The following TOX3 variants were observed in gnomAD, a reference collection of about 807,000 sequenced individuals.
TOX3 encodes CAG trinucleotide repeat-containing gene F9 protein.
A neutral mutation model predicts 64.3 loss-of-function variants in TOX3; 22 were observed. That is an observed-to-expected ratio of 0.34 (90% CI 0.24 to 0.49). The LOEUF is 0.49. TOX3 is among the 20% of genes least tolerant of loss of function. TOX3 has a pLI of 0.99. For missense variants in TOX3, 661 were observed against 714.4 expected (o/e 0.93, Z 0.85); for synonymous variants, 291 against 273.6 (o/e 1.06, Z -0.63).
intron 1 of TOX3, among the ~76,000 whole-genome samples, chr16:52,485,053 A>G (rs557114030): frequency 1.0e-5 from 1 of 95,250 alleles, no homozygotes; most frequent in South Asian, 3.0e-4. Context: ...ATATATATAT[A>G]CACACACACA....
intron 1 of TOX3, among the ~76,000 whole-genome samples, chr16:52,487,691 T>G (rs905899528): frequency 6.6e-5 from 10 of 152,224 alleles, no homozygotes; most frequent in Non-Finnish European, 1.2e-4. Context: ...AATAAGGTCT[T>G]AAAAACAAGA....
At chr16:52,546,566 C>A in intron 1 of TOX3, 71 bp downstream of exon 1, 1 of 1,420,560 alleles carries the variant, frequency 7.0e-7, no homozygotes, top group Non-Finnish European at 9.5e-7. Flanking sequence ...AGGCGGTGAG[C>A]CCGAGCGCGG....
intron 1 of TOX3, among the ~76,000 whole-genome samples, chr16:52,485,244 G>GTATATATATATATATATATA (rs761645024): frequency 1.0e-5 from 1 of 95,324 alleles, no homozygotes; most frequent in African/African-American, 5.5e-5. Flanking sequence ...GTATGTGTGT[G>GTATATATATATATATATATA]TGTATATATA....
At chr16:52,524,953 G>T (rs527352908) in intron 1 of TOX3, among the ~76,000 whole-genome samples, 2 of 150,908 alleles carry the variant, frequency 1.3e-5, no homozygotes, top group Non-Finnish European at 2.9e-5. Context: ...TTGAGCTAGA[G>T]TGATCATTAT....
At chr16:52,513,108 A>G (rs549138835) in intron 1 of TOX3, among the ~76,000 whole-genome samples, 1 of 152,196 alleles carries the variant, frequency 6.6e-6, no homozygotes, top group Non-Finnish European at 1.5e-5. Flanking sequence ...GAGCTTAAGA[A>G]AAAAGAAGTC....
chr16:52,489,437 T>C (rs1195277065), intron 1 of TOX3, among the ~76,000 whole-genome samples: 2 of 152,182 alleles, frequency 1.3e-5, no homozygotes. Flanking sequence ...CCAAAGCCCA[T>C]GGACATGTCC....
chr16:52,445,714 G>A, intron 5 of TOX3: 2 of 332,672 alleles, frequency 6.0e-6, no homozygotes, highest in African/African-American at 4.2e-5. Flanking sequence ...AAAATGAAAA[G>A]ATTATCATCA....
intron 5 of TOX3, chr16:52,444,562 C>T: frequency 2.5e-6 from 1 of 399,884 alleles, no homozygotes; most frequent in Admixed American, 4.3e-5. Flanking sequence ...AGAACCCTGC[C>T]ACCCTCACTG....
chr16:52,543,079 A>G (rs1229595985), intron 1 of TOX3, among the ~76,000 whole-genome samples: 2 of 152,210 alleles, frequency 1.3e-5, no homozygotes, highest in East Asian at 3.8e-4. Context: ...AGCCCTAAAA[A>G]TATGCAGAAA....
chr16:52,442,987 T>C (rs1184433709), intron 6 of TOX3, among the ~76,000 whole-genome samples: 1 of 152,226 alleles, frequency 6.6e-6, no homozygotes, highest in Non-Finnish European at 1.5e-5. Context: ...TCATGGTTAA[T>C]ATTCCCTGAA....
intron 1 of TOX3, among the ~76,000 whole-genome samples, chr16:52,523,693 A>C (rs901907398): frequency 1.3e-5 from 2 of 152,158 alleles, no homozygotes; most frequent in African/African-American, 4.8e-5. Context: ...ATTTCACTGG[A>C]ATATTTGTGT....
chr16:52,482,513 G>A (rs1961395696), intron 1 of TOX3, among the ~76,000 whole-genome samples: 1 of 152,112 alleles, frequency 6.6e-6, no homozygotes, highest in African/African-American at 2.4e-5. Context: ...AGATGTAAAA[G>A]TTCTTAAAAC....
chr16:52,479,909 G>A (rs62043289), intron 1 of TOX3, among the ~76,000 whole-genome samples: 1,717 of 152,244 alleles, frequency 0.011, 13 homozygotes, highest in Non-Finnish European at 0.015. Context: ...CATCTTCAAG[G>A]ATGCTCAGAA....
intron 1 of TOX3, among the ~76,000 whole-genome samples, chr16:52,520,592 T>C (rs1314601927): frequency 6.6e-6 from 1 of 152,246 alleles, no homozygotes; most frequent in Non-Finnish European, 1.5e-5. Flanking sequence ...GGGCCAGATG[T>C]ATTTTACAGT....
rs201681409 is a variant in TOX3, at chr16:52,452,153, T to TG, written c.409-1608dup. Among the ~76,000 whole-genome samples, 42 of 152,178 alleles carry TG rather than the reference T, an allele frequency of 2.8e-4. 1 individual carries two copies. The East Asian group carries it at 7.3e-3, about 27-fold the overall frequency. Reference sequence around the variant, plus strand: ...CTATACAGGACAGCCTTGTTTTCTTTGGGAAAAAAAAAAGTGTATCCTAAC... The same window carrying TG: ...CTATACAGGACAGCCTTGTTTTCTTTGGGGAAAAAAAAAAGTGTATCCTAAC... On this transcript the variant is annotated intron_variant, in intron 3 of 6. Transcript: ENST00000219746.
At chr16:52,508,528 A>T (rs959872709) in intron 1 of TOX3, among the ~76,000 whole-genome samples, 5 of 152,230 alleles carry the variant, frequency 3.3e-5, no homozygotes, top group Non-Finnish European at 5.9e-5. Context: ...AAGCGGGGAA[A>T]AGCAAGTCAG....
chr16:52,516,491 G>C (rs1962460488), intron 1 of TOX3, among the ~76,000 whole-genome samples: 1 of 152,144 alleles, frequency 6.6e-6, no homozygotes, highest in African/African-American at 2.4e-5. Flanking sequence ...CCAATAATTG[G>C]AGGCATTTAA....
intron 4 of TOX3, among the ~76,000 whole-genome samples, chr16:52,448,198 C>T (rs1429791178): frequency 6.6e-6 from 1 of 152,002 alleles, no homozygotes; most frequent in Non-Finnish European, 1.5e-5. Flanking sequence ...AAAGATTTAC[C>T]CCAAAGAGAC....
chr16:52,455,079 T>TA (rs1200587863), intron 3 of TOX3, among the ~76,000 whole-genome samples: 4 of 152,354 alleles, frequency 2.6e-5, no homozygotes, highest in African/African-American at 9.6e-5. Flanking sequence ...CCCACTATCA[T>TA]AACCAACAAT....
Sources: allele counts gnomAD v4.1 joint callset (sites outside exome capture counted in the v4.1 genomes callset), GRCh38; gene constraint gnomAD v4.1.1; transcripts MANE v1.5; gene names NCBI Gene and HGNC (gene_info 2026-07-23, HGNC 2026-07-21).